GPR173: variants seen among roughly 807,000 people sequenced by gnomAD.
GPR173 encodes the protein G protein-coupled receptor 173, also known as probable G protein-coupled receptor 173.
GPR173 carries 2 observed loss-of-function variants against 13.9 expected under a neutral mutation model. The ratio of observed to expected loss-of-function variants is 0.14; its 90% CI spans 0.06 to 0.45. GPR173 has a LOEUF of 0.45. Among genes scored for constraint, GPR173 ranks in the 20% least tolerant of loss-of-function variants. The probability of loss-of-function intolerance (pLI) is 0.98; values close to 1 mark genes in which losing one functional copy is unlikely to be tolerated. For missense variants in GPR173, 202 were observed against 340.5 expected (o/e 0.59, Z 3.20); for synonymous variants, 131 against 141.0 (o/e 0.93, Z 0.50).
Position 53,067,563 on chromosome X carries a change from C to T in GPR173, c.-97-8962C>T, listed in dbSNP as rs1192447564. 5.3e-5 allele frequency among the ~76,000 whole-genome samples: 6 copies of T among 112,243 alleles called. 1 individual carries two copies. The highest frequency in any genetic ancestry group is 7.5e-5 in the Non-Finnish European group (4 of 53,259). ...CACTCTGGCGGGGCGCGGTGGCTCA[C>T]GCCTGTAATCCCAGCACTTTGGGAG... On this transcript the variant is annotated intron_variant, in intron 1 of 1. Coordinates refer to ENST00000332582, the MANE Select transcript of GPR173 (RefSeq NM_018969.6).
chrX:53,078,016 C>G lies in GPR173; in HGVS notation c.*273C>G, dbSNP rs1602097931. ...AATCTCATTCTCTCTCTCTCTCTCT[C>G]TGTCTCTCTCTCTCTCTCTCTCTCT... On this transcript the variant is annotated 3_prime_UTR_variant, in exon 2 of 2. Coordinates refer to ENST00000332582, the MANE Select transcript of GPR173 (RefSeq NM_018969.6). 6 of 292,382 alleles carry G rather than the reference C, an allele frequency of 2.1e-5. No individual in the cohort carries two copies. Among genetic ancestry groups the G allele is most frequent in the Admixed American group, 6.0e-5 (1 of 16,768 alleles). The allele number at this position is 292,382 out of a possible 1,213,427, so 24.1% of individuals were successfully genotyped here.
chrX:53,068,086 AG>A (rs1346757440), intron 1 of GPR173, among the ~76,000 whole-genome samples: 6 of 111,599 alleles, frequency 5.4e-5, no homozygotes, highest in African/African-American at 2.0e-4. Flanking sequence ...TTTTAGGAGT[AG>A]ATACTGAAAT....
chrX:53,072,147 G>T (rs1556804822), intron 1 of GPR173, among the ~76,000 whole-genome samples: 1 of 107,546 alleles, frequency 9.3e-6, no homozygotes, highest in African/African-American at 3.4e-5. Context: ...TGGGGGGGAT[G>T]TGGGGGGTTT....
intron 1 of GPR173, among the ~76,000 whole-genome samples, chrX:53,074,967 G>A (rs970322757): frequency 9.8e-6 from 1 of 102,426 alleles, no homozygotes; most frequent in Non-Finnish European, 2.0e-5. Flanking sequence ...AACGGCAAGC[G>A]GGATTCTGTT....
chrX:53,073,907 A>T (rs1602095027), intron 1 of GPR173, among the ~76,000 whole-genome samples: 1 of 2,455 alleles, frequency 4.1e-4, no homozygotes, highest in Non-Finnish European at 6.7e-4. Flanking sequence ...ATTTATATAT[A>T]TATAAATATA....
chrX:53,058,909 T>C (rs1307461173), intron 1 of GPR173, among the ~76,000 whole-genome samples: 8 of 110,406 alleles, frequency 7.2e-5, no homozygotes, highest in African/African-American at 2.3e-4. Context: ...TATTCCTTTT[T>C]TTTTTTTCGT....
Position 53,079,704 on chromosome X carries a change from A to G in GPR173, c.*1961A>G, listed in dbSNP as rs1384092033. 7 of 121,482 alleles carry G rather than the reference A, an allele frequency of 5.8e-5. No homozygotes were observed. Among genetic ancestry groups the G allele is most frequent in the Non-Finnish European group, 1.3e-4 (7 of 52,804 alleles). The allele number at this position is 121,482 out of a possible 1,213,427, so 10.0% of individuals were successfully genotyped here. A position where few individuals can be genotyped will look rare whatever the true frequency, so the allele number is the denominator to read the frequency against. ...ACTTTGTGTGGGGAGGCACTCCTGA[A>G]GAAAACTTGCCCGGTGCACACACGT... is the stretch of plus-strand genomic sequence containing the variant. On this transcript the variant is annotated 3_prime_UTR_variant, in exon 2 of 2. Transcript: ENST00000332582.
At chrX:53,052,997 G>A (rs1556802897) in intron 1 of GPR173, among the ~76,000 whole-genome samples, 3 of 111,887 alleles carry the variant, frequency 2.7e-5, no homozygotes. Flanking sequence ...TGAGAATGTA[G>A]GTGTAAATGA....
intron 1 of GPR173, among the ~76,000 whole-genome samples, chrX:53,060,025 TATATATACACACACACAC>T (rs1932100632): frequency 2.4e-5 from 2 of 82,336 alleles, no homozygotes; most frequent in Non-Finnish European, 4.2e-5. Context: ...TATATATATA[TATATATACACACACACAC>T]ATACACACAC....
chrX:53,075,018 C>G (rs139194409), intron 1 of GPR173, among the ~76,000 whole-genome samples: 136 of 103,837 alleles, frequency 1.3e-3, no homozygotes, highest in African/African-American at 4.2e-3. Flanking sequence ...GCTCAGAATC[C>G]TCCCGTGACT....
rs1177088480 is a variant in GPR173 at position 53,078,875 on chromosome X, C to T, written c.*1132C>T. The T allele has an allele frequency of 4.9e-5, 6 of 123,204 alleles. No individual in the cohort carries two copies. The highest frequency in any genetic ancestry group is 1.6e-4 in the African/African-American group (5 of 30,796). The allele number at this position is 123,204 out of a possible 1,213,427, so 10.2% of individuals were successfully genotyped here. A position where few individuals can be genotyped will look rare whatever the true frequency, so the allele number is the denominator to read the frequency against. The stretch of plus-strand genomic sequence containing the variant: ...CCATTCCTATCTGACCTCTTTTTGT[C>T]CCCCTCAAGCCTCAGGGGCCTCAAG... On this transcript the variant is annotated 3_prime_UTR_variant, in exon 2 of 2. Coordinates refer to ENST00000332582, the MANE Select transcript of GPR173 (RefSeq NM_018969.6).
intron 1 of GPR173, among the ~76,000 whole-genome samples, chrX:53,070,153 G>T (rs1400217697): frequency 6.3e-5 from 7 of 111,719 alleles, no homozygotes; most frequent in Non-Finnish European, 1.1e-4. Flanking sequence ...TATCTGTGTT[G>T]TGTCTGAATA....
intron 1 of GPR173, among the ~76,000 whole-genome samples, chrX:53,055,729 T>C (rs1341288910): frequency 1.8e-5 from 2 of 109,618 alleles, no homozygotes; most frequent in African/African-American, 6.7e-5. Context: ...TGGATGTAGT[T>C]ATACCTGGGT....
intron 1 of GPR173, among the ~76,000 whole-genome samples, chrX:53,066,094 T>C (rs1452155632): frequency 1.8e-5 from 2 of 111,267 alleles, no homozygotes; most frequent in African/African-American, 6.5e-5. Flanking sequence ...AGTGAGACCC[T>C]GTTTCCAAAA....
chrX:53,050,934 G>C (rs1556802611), intron 1 of GPR173, among the ~76,000 whole-genome samples: 3 of 112,231 alleles, frequency 2.7e-5, no homozygotes, highest in Non-Finnish European at 1.9e-5. Flanking sequence ...CACACACACA[G>C]AACCTTGAGC....
chrX:53,059,950 C>T (rs915021687), intron 1 of GPR173, among the ~76,000 whole-genome samples: 1 of 104,511 alleles, frequency 9.6e-6, no homozygotes, highest in African/African-American at 3.5e-5. Context: ...ATCTCGCCAT[C>T]GCACTCCAGC....
At chrX:53,051,841 G>C (rs782644617) in intron 1 of GPR173, among the ~76,000 whole-genome samples, 1 of 110,862 alleles carries the variant, frequency 9.0e-6, no homozygotes, top group South Asian at 3.8e-4. Flanking sequence ...ATTGGTGTGT[G>C]CTCATGAGTG....
intron 1 of GPR173, among the ~76,000 whole-genome samples, chrX:53,067,607 C>G (rs12400085): frequency 0.036 from 3,977 of 111,136 alleles, 98 homozygotes; most frequent in Non-Finnish European, 0.05. Flanking sequence ...GGGCGGATCA[C>G]GAGGTCAGGA....
At chrX:53,056,428 C>T (rs1932040317) in intron 1 of GPR173, among the ~76,000 whole-genome samples, 1 of 109,346 alleles carries the variant, frequency 9.1e-6, no homozygotes, top group Admixed American at 9.8e-5. Context: ...TATGTCTGAA[C>T]GTCTACATGG....
Sources: gnomAD v4.1 joint callset for allele counts (sites outside exome capture counted in the v4.1 genomes callset) on GRCh38, gnomAD v4.1.1 for gene constraint, MANE v1.5 for transcripts, NCBI Gene and HGNC (gene_info 2026-07-23, HGNC 2026-07-21) for gene names.